The following UBE2D3 variants were observed in gnomAD, a reference collection of about 807,000 sequenced individuals.
The protein encoded by UBE2D3 is ubiquitin conjugating enzyme E2 D3.
UBE2D3 carries 2 observed loss-of-function variants against 22.8 expected under a neutral mutation model. The observed-to-expected ratio is 0.09, with a 90% confidence interval of 0.04 to 0.28. The LOEUF is 0.28. Ranked by LOEUF, UBE2D3 falls within the 10% of genes least tolerant of loss-of-function variation. The pLI, the probability that UBE2D3 is intolerant of heterozygous loss-of-function variation, is 1.00. For missense variants in UBE2D3, 27 were observed against 182.5 expected, an observed-to-expected ratio of 0.15 and a Z score of 4.91; for synonymous variants, 56 against 60.4, an observed-to-expected ratio of 0.93 and a Z score of 0.34.
At position 102,835,566 on chromosome 4, in the gene UBE2D3, C is replaced by G. The variant is rs558022340; in HGVS notation, c.-128-8930G>C. Among the ~76,000 whole-genome samples the G allele has an allele frequency of 7.9e-5, 12 of 152,090 alleles. No individual in the cohort carries two copies. In the East Asian group the frequency reaches 2.3e-3, roughly 29 times the overall value. Reference sequence around the variant, plus strand: ...TTCAGTTGCCTGACATCTCTGTAAGCCAGAGATATGTGCTTTTTGGCTGCC... The same window carrying G: ...TTCAGTTGCCTGACATCTCTGTAAGGCAGAGATATGTGCTTTTTGGCTGCC... On this transcript the variant is annotated intron_variant, in intron 1 of 7. Coordinates refer to the UBE2D3 transcript ENST00000338145.
At chr4:102,868,712 C>A in intron 1 of UBE2D3, 1 of 1,614,038 alleles carries the variant, frequency 6.2e-7, no homozygotes, top group Non-Finnish European at 8.5e-7. Context: ...GCAAGAGACT[C>A]ACTTTTGAAA....
At chr4:102,851,903 C>T (rs907092602) in intron 1 of UBE2D3, among the ~76,000 whole-genome samples, 1 of 152,052 alleles carries the variant, frequency 6.6e-6, no homozygotes, top group Non-Finnish European at 1.5e-5. Flanking sequence ...TCCTGACCCT[C>T]AGGTGATCCA....
chr4:102,823,755 A>T (rs1409679266), intron 2 of UBE2D3, among the ~76,000 whole-genome samples: 1 of 152,240 alleles, frequency 6.6e-6, no homozygotes, highest in Admixed American at 6.5e-5. Context: ...TGATTGGTCT[A>T]ACAGTCAAAA....
At chr4:102,802,430 T>G (rs969844836) in intron 5 of UBE2D3, 131 bp downstream of exon 5, 2 of 614,538 alleles carry the variant, frequency 3.3e-6, no homozygotes, top group African/African-American at 3.8e-5. Context: ...AGGTTAAGAG[T>G]CAGCATCTAT....
chr4:102,845,374 G>A (rs1052836228), intron 1 of UBE2D3, among the ~76,000 whole-genome samples: 5 of 152,174 alleles, frequency 3.3e-5, no homozygotes, highest in African/African-American at 1.2e-4. Flanking sequence ...TGATGCCTGG[G>A]TCTTCCCTGA....
intron 1 of UBE2D3, among the ~76,000 whole-genome samples, chr4:102,859,514 T>G (rs557131531): frequency 5.1e-4 from 77 of 152,112 alleles, no homozygotes; most frequent in African/African-American, 1.8e-3. Flanking sequence ...GACATCTTTA[T>G]GTTCAACCTA....
intron 1 of UBE2D3, among the ~76,000 whole-genome samples, chr4:102,832,952 G>A (rs1471858777): frequency 6.7e-6 from 1 of 149,336 alleles, no homozygotes; most frequent in Non-Finnish European, 1.5e-5. Context: ...GAGCCATGTT[G>A]CAGCAGTGCA....
rs1273728210 is a variant in UBE2D3, at chr4:102,797,022, T to A, written c.*393A>T. 2 of 166,696 alleles carry A rather than the reference T, an allele frequency of 1.2e-5. No individual in the cohort carries two copies. Among genetic ancestry groups the A allele is most frequent in the Admixed American group, 6.0e-5 (1 of 16,762 alleles). The allele number at this position is 166,696 out of a possible 1,614,324, so 10.3% of individuals were successfully genotyped here. A position where few individuals can be genotyped will look rare whatever the true frequency, so the allele number is the denominator to read the frequency against. The stretch of plus-strand genomic sequence containing the variant: ...GCTAGAATAATGCTGTATCCTTTGA[T>A]GTGACAACTGAGCATCCATCTCCCT... On this transcript the variant is annotated 3_prime_UTR_variant, in exon 8 of 8. Transcript: ENST00000453744.
intron 6 of UBE2D3, among the ~76,000 whole-genome samples, chr4:102,800,166 A>G (rs1044067241): frequency 4.6e-5 from 7 of 152,056 alleles, no homozygotes; most frequent in Non-Finnish European, 7.4e-5. Context: ...GCCAGTCACC[A>G]TATATGGTGG....
chr4:102,828,127 G>T (rs1471733838), upstream of UBE2D3: 18 of 985,476 alleles, frequency 1.8e-5, no homozygotes, highest in Non-Finnish European at 2.2e-5. Flanking sequence ...TGCCAGGAAA[G>T]CAACGCCCCT....
chr4:102,825,066 A>G (rs1730242155), intron 2 of UBE2D3, among the ~76,000 whole-genome samples: 1 of 152,380 alleles, frequency 6.6e-6, no homozygotes, highest in East Asian at 1.9e-4. Context: ...AAGAGTGAAG[A>G]TTTAAACCTT....
At chr4:102,827,969 G>C, upstream of UBE2D3, 2 of 985,502 alleles carry the variant, frequency 2.0e-6, no homozygotes, top group South Asian at 4.7e-5. Flanking sequence ...CGACTCTCGC[G>C]AGAACTTCGT....
chr4:102,825,611 C>T, intron 2 of UBE2D3: 1 of 1,237,696 alleles, frequency 8.1e-7, no homozygotes, highest in Admixed American at 2.5e-5. Context: ...ACTCCCAGAG[C>T]TCCGAAAAAT....
At chr4:102,850,675 T>G (rs1270415636) in intron 1 of UBE2D3, among the ~76,000 whole-genome samples, 1 of 152,166 alleles carries the variant, frequency 6.6e-6, no homozygotes, top group Non-Finnish European at 1.5e-5. Flanking sequence ...TATTTCTCTG[T>G]GAACAAATAT....
In UBE2D3 at chr4:102,795,510, C is replaced by A. The variant is rs568754020; in HGVS notation, c.*1905G>T. On this transcript the variant is annotated 3_prime_UTR_variant, in exon 8 of 8. Coordinates refer to ENST00000453744, the MANE Select transcript of UBE2D3 (RefSeq NM_181891.3). ...CAGTATGACATCTACCCTGAAGGAG[C>A]CGTTTTAAGCAAAACACAAAATGAA... The A allele has an allele frequency of 6.6e-6, 1 of 152,006 alleles. No homozygotes were observed. Among genetic ancestry groups the A allele is most frequent in the African/African-American group, 2.4e-5 (1 of 41,416 alleles). The allele number at this position is 152,006 out of a possible 1,614,324, so 9.4% of individuals were successfully genotyped here.
chr4:102,832,950 T>C (rs1196938635), intron 1 of UBE2D3, among the ~76,000 whole-genome samples: 1 of 151,526 alleles, frequency 6.6e-6, no homozygotes, highest in East Asian at 1.9e-4. Context: ...GTGAGCCATG[T>C]TGCAGCAGTG....
intron 2 of UBE2D3, chr4:102,810,749 AT>A (rs1560854914): frequency 6.6e-6 from 1 of 152,212 alleles, no homozygotes; most frequent in Non-Finnish European, 1.5e-5. Flanking sequence ...TGACTTGTGC[AT>A]AACAATATGA....
chr4:102,854,331 A>G (rs1578296252), intron 1 of UBE2D3, among the ~76,000 whole-genome samples: 1 of 152,184 alleles, frequency 6.6e-6, no homozygotes, highest in East Asian at 1.9e-4. Context: ...AATGTCAACT[A>G]GATCCAGTAG....
At chr4:102,827,896 G>A, upstream of UBE2D3, 1 of 985,540 alleles carries the variant, frequency 1.0e-6, no homozygotes, top group Non-Finnish European at 1.2e-6. Flanking sequence ...CAGCCGCTGC[G>A]CGATCCAGCC....
Sources: gnomAD v4.1 joint callset for allele counts (sites outside exome capture counted in the v4.1 genomes callset) on GRCh38, gnomAD v4.1.1 for gene constraint, MANE v1.5 for transcripts, NCBI Gene and HGNC (gene_info 2026-07-23, HGNC 2026-07-21) for gene names.